CHRNB3: variants seen among roughly 807,000 people sequenced by gnomAD.
The protein encoded by CHRNB3 is neuronal acetylcholine receptor subunit beta-3.
CHRNB3 carries 37 observed loss-of-function variants against 40.6 expected under a neutral mutation model. That is an observed-to-expected ratio of 0.91 (90% CI 0.70 to 1.20). The LOEUF is 1.20. Ranked by LOEUF, CHRNB3 falls within the 50% of genes most tolerant of loss-of-function variation. CHRNB3 has a pLI of 0.00. For missense variants in CHRNB3, 505 were observed against 551.2 expected (o/e 0.92, Z 0.84); for synonymous variants, 207 against 207.1 (o/e 1.00, Z 0.00).
intron 1 of CHRNB3, 96 bp from the exon 2 acceptor site, chr8:42,708,621 A>G (rs1815959300): frequency 1.4e-5 from 19 of 1,358,504 alleles, no homozygotes; most frequent in Middle Eastern, 1.9e-4. Context: ...GACACAGCCT[A>G]TGGTGCAGGA....
At chr8:42,726,357 T>C (rs1816309008) in intron 3 of CHRNB3, 1 of 490,644 alleles carries the variant, frequency 2.0e-6, no homozygotes, top group South Asian at 3.4e-5. Flanking sequence ...GTAGAAAATC[T>C]ACAGAAAAGA....
intron 3 of CHRNB3, among the ~76,000 whole-genome samples, chr8:42,723,068 T>C (rs542691712): frequency 8.3e-4 from 108 of 130,010 alleles, no homozygotes; most frequent in African/African-American, 3.0e-3. Flanking sequence ...AATATCGTAA[T>C]AGGATATCCT....
intron 1 of CHRNB3, 105 bp downstream of exon 1, chr8:42,697,703 C>T: frequency 1.2e-6 from 1 of 845,702 alleles, no homozygotes; most frequent in Non-Finnish European, 2.0e-6. Context: ...ATGTAATGCA[C>T]AAGATACATT....
At chr8:42,708,388 C>T (rs1356311597) in intron 1 of CHRNB3, among the ~76,000 whole-genome samples, 1 of 151,984 alleles carries the variant, frequency 6.6e-6, no homozygotes, top group African/African-American at 2.4e-5. Flanking sequence ...ATGGCATGAA[C>T]CCTGGAGGCG....
At chr8:42,731,310 C>T (rs1302495985) in intron 4 of CHRNB3, among the ~76,000 whole-genome samples, 1 of 152,038 alleles carries the variant, frequency 6.6e-6, no homozygotes, top group Non-Finnish European at 1.5e-5. Context: ...AATCCCAGCA[C>T]TTTGGGAGGC....
At chr8:42,719,026 G>C (rs1388113275) in intron 3 of CHRNB3, among the ~76,000 whole-genome samples, 1 of 152,116 alleles carries the variant, frequency 6.6e-6, no homozygotes, top group Non-Finnish European at 1.5e-5. Flanking sequence ...GCTGTGATGT[G>C]GAGCTGGTGT....
At chr8:42,709,399 G>A in intron 2 of CHRNB3, among the ~76,000 whole-genome samples, 1 of 152,222 alleles carries the variant, frequency 6.6e-6, no homozygotes, top group African/African-American at 2.4e-5. Flanking sequence ...TCATGATTGT[G>A]TTCTTAGAAG....
At chr8:42,713,267 C>G (rs1228243380) in intron 3 of CHRNB3, among the ~76,000 whole-genome samples, 6 of 152,012 alleles carry the variant, frequency 3.9e-5, no homozygotes, top group Non-Finnish European at 8.8e-5. Flanking sequence ...CCAAAGAGAA[C>G]AGCATTAGAC....
At chr8:42,706,277 T>G (rs1815920364) in intron 1 of CHRNB3, among the ~76,000 whole-genome samples, 2 of 151,374 alleles carry the variant, frequency 1.3e-5, no homozygotes, top group African/African-American at 2.4e-5. Flanking sequence ...GGCAGTATGG[T>G]GGGGGTGGTG....
At chr8:42,735,848 G>C (rs1354448862) in intron 5 of CHRNB3, among the ~76,000 whole-genome samples, 1 of 152,138 alleles carries the variant, frequency 6.6e-6, no homozygotes, top group Non-Finnish European at 1.5e-5. Context: ...GAAAGCCTGT[G>C]ACATTTGGCC....
chr8:42,723,704 C>G (rs1816258477), intron 3 of CHRNB3, among the ~76,000 whole-genome samples: 2 of 152,192 alleles, frequency 1.3e-5, no homozygotes, highest in African/African-American at 4.8e-5. Flanking sequence ...AATCCCGTTT[C>G]CCTCACTGAC....
In CHRNB3 at chr8:42,714,434, G is replaced by A. The variant is rs1001202370; in HGVS notation, c.249+4000G>A. Among the ~76,000 whole-genome samples, 8 of 151,980 alleles carry A rather than the reference G, an allele frequency of 5.3e-5. 1 individual carries two copies. Among genetic ancestry groups the A allele is most frequent in the Admixed American group, 1.3e-4 (2 of 15,244 alleles). ...GGAGAATCGGTTGTACCTGGGAGCC[G>A]AGATCGTGTTACTGCACTCCAGCCT... On this transcript the variant is annotated intron_variant, in intron 3 of 5. Transcript: ENST00000289957.
chr8:42,703,087 T>A (rs1815845605), intron 1 of CHRNB3, among the ~76,000 whole-genome samples: 1 of 152,116 alleles, frequency 6.6e-6, no homozygotes, highest in African/African-American at 2.4e-5. Context: ...CACTTTTCCT[T>A]CCTCTTTCAT....
chr8:42,700,754 T>C (rs1466640077), intron 1 of CHRNB3, among the ~76,000 whole-genome samples: 1 of 152,032 alleles, frequency 6.6e-6, no homozygotes, highest in Non-Finnish European at 1.5e-5. Context: ...GAAATACAGA[T>C]CTGAGATTTA....
intron 3 of CHRNB3, among the ~76,000 whole-genome samples, chr8:42,714,703 G>C (rs932470271): frequency 6.6e-6 from 1 of 152,310 alleles, no homozygotes; most frequent in African/African-American, 2.4e-5. Context: ...TATGCTAACT[G>C]TGTAACGGGA....
In CHRNB3 at chr8:42,708,783, A is replaced by G; in HGVS notation, c.119A>G (p.Tyr40Cys). 1 of 1,614,152 alleles carries G rather than the reference A, an allele frequency of 6.2e-7. No homozygotes were observed. Among genetic ancestry groups the G allele is most frequent in the Non-Finnish European group, 8.5e-7 (1 of 1,179,996 alleles). ...DALLRHLFQG[Y>C]QKWVRPVLHS... Reference sequence around the variant, plus strand: ...CTCCTCAGACATTTGTTCCAAGGTTATCAGAAATGGGTCCGCCCTGTATTA... The same window carrying G: ...CTCCTCAGACATTTGTTCCAAGGTTGTCAGAAATGGGTCCGCCCTGTATTA... Residue 40 changes from tyrosine (Y) to cysteine (C), a missense_variant, in exon 2 of 6, where the codon TAT becomes TGT. Coordinates refer to ENST00000289957, the MANE Select transcript of CHRNB3 (RefSeq NM_000749.5).
chr8:42,726,328 A>G, intron 3 of CHRNB3: 1 of 554,314 alleles, frequency 1.8e-6, no homozygotes, highest in Admixed American at 3.5e-5. Context: ...CTCCACTTGC[A>G]AATGACATAA....
intron 1 of CHRNB3, among the ~76,000 whole-genome samples, chr8:42,703,798 T>C (rs1036240165): frequency 6.6e-6 from 1 of 152,130 alleles, no homozygotes; most frequent in African/African-American, 2.4e-5. Context: ...ATGGAGGCCC[T>C]GGTCTCAAAG....
chr8:42,715,886 T>C (rs1816090290), intron 3 of CHRNB3, among the ~76,000 whole-genome samples: 1 of 152,106 alleles, frequency 6.6e-6, no homozygotes, highest in African/African-American at 2.4e-5. Context: ...GAGAAAGTAC[T>C]TACTGCTCCA....
Sources: gnomAD v4.1 joint callset for allele counts (sites outside exome capture counted in the v4.1 genomes callset) on GRCh38, gnomAD v4.1.1 for gene constraint, MANE v1.5 for transcripts, NCBI Gene and HGNC (gene_info 2026-07-23, HGNC 2026-07-21) for gene names.